The following PMPCB variants were observed in gnomAD, a reference collection of about 807,000 sequenced individuals.
PMPCB encodes the protein mitochondrial-processing peptidase subunit beta.
In PMPCB, 46 loss-of-function variants were observed where a neutral mutation model predicts 61.5. The ratio of observed to expected loss-of-function variants is 0.75; its 90% CI spans 0.59 to 0.96. The LOEUF (loss-of-function observed/expected upper bound fraction) is 0.96. PMPCB is among the 40% of genes least tolerant of loss of function. The probability of loss-of-function intolerance (pLI) is 0.00; values close to 1 mark genes in which losing one functional copy is unlikely to be tolerated. For synonymous variants in PMPCB, 191 were observed against 201.6 expected (o/e 0.95, Z 0.44); for missense variants, 590 against 602.4 (o/e 0.98, Z 0.22).
Position 103,299,432 on chromosome 7 carries a change from A to C in PMPCB, c.241-11A>C. 1.3e-6 allele frequency: 2 copies of C among 1,512,674 alleles called. No homozygotes were observed. Among genetic ancestry groups the C allele is most frequent in the Non-Finnish European group, 1.8e-6 (2 of 1,097,562 alleles). 93.7% of individuals were successfully genotyped at this position (1,512,674 alleles called of 1,614,324 possible). On this transcript the variant is annotated splice_polypyrimidine_tract_variant and intron_variant, in intron 2 of 12. Transcript: ENST00000249269. The stretch of plus-strand genomic sequence containing the variant: ...AATGAATTTATTTAATTGTTCTTTG[A>C]TTGCATTAAGGTTGGACTCTGGATT...
Position 103,300,055 on chromosome 7 carries a change from C to T in PMPCB, c.328-123C>T, listed in dbSNP as rs117934227. 9.6e-4 allele frequency: 852 copies of T among 890,898 alleles called. 6 individuals carry two copies. Among genetic ancestry groups the T allele is most frequent in the South Asian group, 6.1e-4 (35 of 57,606 alleles). 55.2% of individuals were successfully genotyped at this position (890,898 alleles called of 1,614,324 possible). On this transcript the variant is annotated intron_variant, in intron 3 of 12. Transcript: ENST00000249269. ...GAGCCATCGTACCATACCTGATGTA[C>T]TTTAGAAACCAAATTTGACCCTGCA...
At chr7:103,323,536 A>G in intron 12 of PMPCB, 4 of 1,370,630 alleles carry the variant, frequency 2.9e-6, no homozygotes, top group African/African-American at 3.0e-5. Flanking sequence ...CAATTTTTAC[A>G]TCATCACAAA....
downstream of PMPCB, among the ~76,000 whole-genome samples, chr7:103,330,873 C>T (rs572140389): frequency 1.1e-3 from 165 of 151,964 alleles, no homozygotes; most frequent in South Asian, 2.1e-3. Flanking sequence ...TGCGCCACCA[C>T]GCCTGACCAC....
chr7:103,314,268 C>T lies in PMPCB; in HGVS notation c.*1997C>T. The T allele has an allele frequency of 6.1e-6, 6 of 985,376 alleles. No individual in the cohort carries two copies. Among genetic ancestry groups the T allele is most frequent in the Non-Finnish European group, 7.2e-6 (6 of 829,922 alleles). 61.0% of individuals were successfully genotyped at this position (985,376 alleles called of 1,614,324 possible). The stretch of plus-strand genomic sequence containing the variant: ...ATTTCCTGCTGTTCTCCAGTTACTT[C>T]ACAATACCAAAATAAATTAAACGTA... On this transcript the variant is annotated 3_prime_UTR_variant, in exon 13 of 13. Coordinates refer to ENST00000249269, the MANE Select transcript of PMPCB (RefSeq NM_004279.3).
At chr7:103,308,531 A>T (rs766421495) in intron 7 of PMPCB, among the ~76,000 whole-genome samples, 1 of 152,134 alleles carries the variant, frequency 6.6e-6, no homozygotes, top group African/African-American at 2.4e-5. Flanking sequence ...CTGAGGCAAA[A>T]TTGCTTGAAC....
chr7:103,325,315 T>G (rs978341477), intron 12 of PMPCB, among the ~76,000 whole-genome samples: 2 of 152,076 alleles, frequency 1.3e-5, no homozygotes, highest in African/African-American at 4.8e-5. Context: ...CAGATGCCTG[T>G]AGTCCCAGCT....
the PMPCB span, among the ~76,000 whole-genome samples, chr7:103,341,356 T>C: frequency 6.6e-6 from 1 of 152,212 alleles, no homozygotes; most frequent in African/African-American, 2.4e-5. Context: ...TTTGGTCTAG[T>C]GTCCTTTTAA....
the PMPCB span, among the ~76,000 whole-genome samples, chr7:103,346,133 TTTG>T: frequency 6.0e-3 from 906 of 152,200 alleles, 9 homozygotes; most frequent in African/African-American, 0.021. Flanking sequence ...TTTTTGTTTT[TTTG>T]TTGTTTTCTT....
the PMPCB span, among the ~76,000 whole-genome samples, chr7:103,339,140 T>C: frequency 6.6e-4 from 101 of 152,352 alleles, 1 homozygote; most frequent in South Asian, 0.019. Context: ...GGCCATCCTA[T>C]GGAACTTATG....
At position 103,314,557 on chromosome 7, in the gene PMPCB, A is replaced by T; in HGVS notation, c.*2286A>T. On this transcript the variant is annotated 3_prime_UTR_variant, in exon 13 of 13. Coordinates refer to ENST00000249269, the MANE Select transcript of PMPCB (RefSeq NM_004279.3). The stretch of plus-strand genomic sequence containing the variant: ...AAAGAGCTGAGACTAGTGTGCTAAT[A>T]CCTGTTGTATTTTGTGGAGATAAAG... 1 of 985,298 alleles carries T rather than the reference A, an allele frequency of 1.0e-6. No homozygotes were observed. The highest frequency in any genetic ancestry group is 1.2e-6 in the Non-Finnish European group (1 of 829,850). 61.0% of individuals were successfully genotyped at this position (985,298 alleles called of 1,614,324 possible). A position where few individuals can be genotyped will look rare whatever the true frequency, so the allele number is the denominator to read the frequency against.
At position 103,297,917 on chromosome 7, in the gene PMPCB, C is replaced by T. The variant is rs1021295885; in HGVS notation, c.99+359C>T. 116 of 1,281,960 alleles carry T rather than the reference C, an allele frequency of 9.0e-5. No individual in the cohort carries two copies. In the Middle Eastern group the frequency reaches 1.1e-3, roughly 12 times the overall value. The allele number at this position is 1,281,960 out of a possible 1,614,324, so 79.4% of individuals were successfully genotyped here. ...TTTTTGCCTAAGACTGAACTTCGTC[C>T]TCAGCTGGGCTTCCCGCGAACCTGG... is the stretch of plus-strand genomic sequence containing the variant. On this transcript the variant is annotated intron_variant, in intron 1 of 12. Transcript: ENST00000249269.
intron 4 of PMPCB, 30 bp from the exon 5 acceptor site, chr7:103,303,812 C>A (rs753672380): frequency 1.8e-5 from 27 of 1,491,728 alleles, no homozygotes; most frequent in Middle Eastern, 1.7e-4. Context: ...AGATTGCTGG[C>A]ACGTTTTCTT....
chr7:103,315,962 T>A (rs771885551), downstream of PMPCB: 1 of 1,566,964 alleles, frequency 6.4e-7, no homozygotes, highest in South Asian at 1.2e-5. Context: ...GTGTTTAAAG[T>A]AACAAATGGA....
downstream of PMPCB, chr7:103,315,645 T>C (rs1818006304): frequency 1.6e-6 from 1 of 607,674 alleles, no homozygotes; most frequent in African/African-American, 1.9e-5. Context: ...TGCTTACAGC[T>C]TCCAGTCTGC....
chr7:103,335,550 T>TTTA, the PMPCB span: 1 of 151,758 alleles, frequency 6.6e-6, no homozygotes, highest in Non-Finnish European at 1.5e-5. Flanking sequence ...TTTTTTTTTT[T>TTTA]TTAATGAGAC....
the PMPCB span, chr7:103,335,396 A>G: frequency 1.5e-4 from 23 of 152,324 alleles, no homozygotes; most frequent in African/African-American, 5.5e-4. Flanking sequence ...CTTTCTAAAT[A>G]AAGACTGACG....
At chr7:103,325,461 A>AAC (rs397808523) in intron 12 of PMPCB, among the ~76,000 whole-genome samples, 1 of 151,310 alleles carries the variant, frequency 6.6e-6, no homozygotes. Flanking sequence ...AAAAAAAAAA[A>AAC]CCAAAAAACA....
chr7:103,324,011 A>G (rs76832014), intron 12 of PMPCB, among the ~76,000 whole-genome samples: 227 of 152,330 alleles, frequency 1.5e-3, no homozygotes, highest in African/African-American at 5.4e-3. Context: ...TATCCTCTGA[A>G]GGTAAAAGCA....
Position 103,312,583 on chromosome 7 carries a change from T to C in PMPCB, c.*312T>C. The C allele has an allele frequency of 6.2e-7, 1 of 1,613,074 alleles. No homozygotes were observed. The highest frequency in any genetic ancestry group is 8.5e-7 in the Non-Finnish European group (1 of 1,179,684). Reference sequence around the variant, plus strand: ...AACAAAGATTGTCATTTCTTGGCTCTACTTGCATTCAGCACTTGTTCTTGA... The same window carrying C: ...AACAAAGATTGTCATTTCTTGGCTCCACTTGCATTCAGCACTTGTTCTTGA... On this transcript the variant is annotated 3_prime_UTR_variant, in exon 13 of 13. Transcript: ENST00000249269.
Sources: gnomAD v4.1 joint callset for allele counts (sites outside exome capture counted in the v4.1 genomes callset) on GRCh38, gnomAD v4.1.1 for gene constraint, MANE v1.5 for transcripts, NCBI Gene and HGNC (gene_info 2026-07-23, HGNC 2026-07-21) for gene names.